ARMC9: variants seen among roughly 807,000 people sequenced by gnomAD.
The protein encoded by ARMC9 is armadillo repeat containing 9.
A neutral mutation model predicts 107.0 loss-of-function variants in ARMC9; 94 were observed. That is an observed-to-expected ratio of 0.88 (90% CI 0.74 to 1.04). The LOEUF (loss-of-function observed/expected upper bound fraction) is 1.04. Ranked by LOEUF, ARMC9 falls within the 50% of genes least tolerant of loss-of-function variation. The probability of loss-of-function intolerance (pLI) is 0.00; values close to 1 mark genes in which losing one functional copy is unlikely to be tolerated. For missense variants in ARMC9, 942 were observed against 1,030.1 expected, an observed-to-expected ratio of 0.91 and a Z score of 1.17; for synonymous variants, 380 against 396.9, an observed-to-expected ratio of 0.96 and a Z score of 0.51.
At chr2:231,215,660 A>G (rs1033621981) in intron 4 of ARMC9, among the ~76,000 whole-genome samples, 1 of 152,246 alleles carries the variant, frequency 6.6e-6, no homozygotes, top group Non-Finnish European at 1.5e-5. Context: ...CTTTGAGTGC[A>G]GAGTAAATGA....
chr2:231,259,108 T>C lies in ARMC9; in HGVS notation c.1026+6T>C. On this transcript the variant is annotated splice_donor_region_variant and intron_variant, in intron 11 of 24. Coordinates refer to ENST00000611582, the MANE Select transcript of ARMC9 (RefSeq NM_001352754.2). ...TGTTGCAGGCTCTGCGCTGGGTAGG[T>C]ACCTTTGTCTTAAAGTTAGAAAACA... is the stretch of plus-strand genomic sequence containing the variant. 1 of 1,607,244 alleles carries C rather than the reference T, an allele frequency of 6.2e-7. No homozygotes were observed. Among genetic ancestry groups the C allele is most frequent in the Non-Finnish European group, 8.5e-7 (1 of 1,174,782 alleles).
chr2:231,290,304 C>T (rs999861845), intron 17 of ARMC9, among the ~76,000 whole-genome samples: 2 of 152,222 alleles, frequency 1.3e-5, no homozygotes, highest in African/African-American at 4.8e-5. Flanking sequence ...ATGATAAGAA[C>T]TCAGCATGTT....
intron 7 of ARMC9, among the ~76,000 whole-genome samples, chr2:231,234,790 G>T (rs756175374): frequency 1.3e-5 from 2 of 152,160 alleles, no homozygotes; most frequent in African/African-American, 2.4e-5. Context: ...TTTTTTAGTA[G>T]AGATGGGATT....
At chr2:231,341,663 TAGA>T (rs2044519809) in intron 20 of ARMC9, among the ~76,000 whole-genome samples, 9 of 151,858 alleles carry the variant, frequency 5.9e-5, no homozygotes, top group African/African-American at 2.2e-4. Context: ...GATAGATAGA[TAGA>T]TAGATAGATA....
chr2:231,248,995 C>T (rs1559349871), intron 9 of ARMC9, among the ~76,000 whole-genome samples: 1 of 152,126 alleles, frequency 6.6e-6, no homozygotes, highest in African/African-American at 2.4e-5. Context: ...TACCCACGTG[C>T]ATCCTGCACA....
chr2:231,356,125 G>A (rs146636292), intron 22 of ARMC9, among the ~76,000 whole-genome samples, 191 bp downstream of exon 22: 10 of 152,332 alleles, frequency 6.6e-5, no homozygotes, highest in South Asian at 2.1e-4. Flanking sequence ...GGTCCTCTGC[G>A]TCCCCTTCTC....
chr2:231,359,091 T>G (rs1382240830), intron 22 of ARMC9, among the ~76,000 whole-genome samples: 3 of 147,086 alleles, frequency 2.0e-5, no homozygotes, highest in East Asian at 2.0e-4. Flanking sequence ...TGTTTTTTTT[T>G]TTTTTTTTTT....
chr2:231,343,546 G>A (rs1488944685), intron 20 of ARMC9, among the ~76,000 whole-genome samples: 2 of 152,002 alleles, frequency 1.3e-5, no homozygotes, highest in African/African-American at 2.4e-5. Context: ...CATAATAATA[G>A]CAAAACCAGG....
intron 19 of ARMC9, among the ~76,000 whole-genome samples, chr2:231,328,142 T>C (rs550459603): frequency 5.4e-4 from 82 of 152,328 alleles, no homozygotes; most frequent in African/African-American, 1.9e-3. Context: ...AATTTGCATT[T>C]CCTTAATGGC....
At chr2:231,334,626 T>C (rs2043960983) in intron 20 of ARMC9, among the ~76,000 whole-genome samples, 1 of 152,176 alleles carries the variant, frequency 6.6e-6, no homozygotes, top group African/African-American at 2.4e-5. Context: ...CAGGTCACCA[T>C]AGGATCTCAT....
At chr2:231,223,822 C>T (rs2034386718) in intron 6 of ARMC9, among the ~76,000 whole-genome samples, 1 of 152,186 alleles carries the variant, frequency 6.6e-6, no homozygotes, top group Non-Finnish European at 1.5e-5. Flanking sequence ...ATCCTTAAGG[C>T]TTTTGTTTAA....
rs142656422 is a variant in ARMC9 at position 231,204,972 on chromosome 2, A to G, written c.-41-1226A>G. 5.3e-3 allele frequency among the ~76,000 whole-genome samples: 812 copies of G among 152,196 alleles called. 12 individuals are homozygous for G. Among genetic ancestry groups the G allele is most frequent in the African/African-American group, 0.019 (781 of 41,522 alleles). Reference sequence around the variant, plus strand: ...GCGCTGGAACCACAGGAGGGTCCCAAGCAGGAGGGGAATGCTCACTTGTTA... The same window carrying G: ...GCGCTGGAACCACAGGAGGGTCCCAGGCAGGAGGGGAATGCTCACTTGTTA... On this transcript the variant is annotated intron_variant, in intron 1 of 24. Transcript: ENST00000611582.
chr2:231,265,668 C>CTA (rs769265491), intron 12 of ARMC9, among the ~76,000 whole-genome samples: 1 of 151,602 alleles, frequency 6.6e-6, no homozygotes, highest in Non-Finnish European at 1.5e-5. Flanking sequence ...TAAGAACCAC[C>CTA]TATAACCCAG....
At chr2:231,324,411 G>A (rs1231261224) in intron 19 of ARMC9, among the ~76,000 whole-genome samples, 6 of 148,894 alleles carry the variant, frequency 4.0e-5, no homozygotes, top group African/African-American at 1.2e-4. Context: ...TAGGCCACGC[G>A]GCCTATAAAG....
At chr2:231,210,580 T>A (rs2032684736) in intron 3 of ARMC9, among the ~76,000 whole-genome samples, 1 of 152,254 alleles carries the variant, frequency 6.6e-6, no homozygotes, top group South Asian at 2.1e-4. Flanking sequence ...AGTTCACACA[T>A]GACCAGATGA....
chr2:231,303,779 A>T (rs963351483), intron 19 of ARMC9, among the ~76,000 whole-genome samples: 1 of 152,170 alleles, frequency 6.6e-6, no homozygotes, highest in Non-Finnish European at 1.5e-5. Context: ...TTCTACTAAA[A>T]TACAAAAATT....
chr2:231,357,247 G>A (rs570330119), intron 22 of ARMC9, among the ~76,000 whole-genome samples: 48 of 152,322 alleles, frequency 3.2e-4, no homozygotes, highest in African/African-American at 1.1e-3. Flanking sequence ...GGTGGTCACG[G>A]GCGGTTGCCA....
In ARMC9 at chr2:231,353,770, G is replaced by A. The variant is rs527497013; in HGVS notation, c.1995-2028G>A. Among the ~76,000 whole-genome samples, 4 of 151,988 alleles carry A rather than the reference G, an allele frequency of 2.6e-5. No homozygotes were observed. The East Asian group carries it at 7.7e-4, about 29-fold the overall frequency. On this transcript the variant is annotated intron_variant, in intron 21 of 24. Coordinates refer to ENST00000611582, the MANE Select transcript of ARMC9 (RefSeq NM_001352754.2). ...TCTAGCAGGGAATGTCATTCCTTTG[G>A]TTCTCCATTACTTGGGGATCAAGTT...
At chr2:231,291,647 C>T (rs994873413) in intron 18 of ARMC9, among the ~76,000 whole-genome samples, 1 of 151,886 alleles carries the variant, frequency 6.6e-6, no homozygotes, top group Admixed American at 6.6e-5. Context: ...GAAACGCTGT[C>T]TCTACTAAAA....
Sources: gnomAD v4.1 joint callset for allele counts (sites outside exome capture counted in the v4.1 genomes callset) on GRCh38, gnomAD v4.1.1 for gene constraint, MANE v1.5 for transcripts, NCBI Gene and HGNC (gene_info 2026-07-23, HGNC 2026-07-21) for gene names.